Variants in SEZ6L observed in about 807,000 individuals in gnomAD.
SEZ6L encodes seizure related 6 homolog like.
In SEZ6L, 37 loss-of-function variants were observed where a neutral mutation model predicts 106.2. The ratio of observed to expected loss-of-function variants is 0.35; its 90% confidence interval spans 0.27 to 0.46. The LOEUF (loss-of-function observed/expected upper bound fraction) is 0.46, where lower values mean the gene tolerates loss of function less well. Among genes scored for constraint, SEZ6L ranks in the 20% least tolerant of loss-of-function variants. SEZ6L has a pLI of 1.00. For missense variants in SEZ6L, 1,172 were observed against 1,332.8 expected, an observed-to-expected ratio of 0.88 and a Z score of 1.88; for synonymous variants, 541 against 570.4, an observed-to-expected ratio of 0.95 and a Z score of 0.73.
Position 26,246,321 on chromosome 22 carries a change from A to ACTAACC in SEZ6L, c.95-46071_95-46066dup, listed in dbSNP as rs1158253734. Among the ~76,000 whole-genome samples the ACTAACC allele has an allele frequency of 2.6e-5, 4 of 152,190 alleles. No homozygotes were observed. In the East Asian group the frequency reaches 5.8e-4, roughly 22 times the overall value. The stretch of plus-strand genomic sequence containing the variant: ...ACACAGATTTAGTCCACATCGTATT[A>ACTAACC]CTAACCCTAACCCTAACCCAACCTG... On this transcript the variant is annotated intron_variant, in intron 1 of 16. Transcript: ENST00000248933.
At chr22:26,334,379 C>T (rs988067054) in intron 9 of SEZ6L, among the ~76,000 whole-genome samples, 11 of 152,206 alleles carry the variant, frequency 7.2e-5, no homozygotes, top group African/African-American at 2.2e-4. Flanking sequence ...AGTGATTCAA[C>T]AGGTGGCTTT....
At chr22:26,271,717 C>T (rs2080376243) in intron 1 of SEZ6L, among the ~76,000 whole-genome samples, 1 of 152,208 alleles carries the variant, frequency 6.6e-6, no homozygotes, top group Non-Finnish European at 1.5e-5. Flanking sequence ...CCTGATGCCT[C>T]CCCAGAAGCC....
Position 26,381,446 on chromosome 22 carries a change from G to A in SEZ6L, c.*1151G>A, listed in dbSNP as rs1461046393. On this transcript the variant is annotated 3_prime_UTR_variant, in exon 17 of 17. Coordinates refer to ENST00000248933, the MANE Select transcript of SEZ6L (RefSeq NM_021115.5). ...TATTCTCCAAAGCTGTCTGGATGTT[G>A]GAGGGTGGTGTGAATGCTGACTGAG... 1 of 152,322 alleles carries A rather than the reference G, an allele frequency of 6.6e-6. No homozygotes were observed. The highest frequency in any genetic ancestry group is 2.4e-5 in the African/African-American group (1 of 41,464). 9.4% of individuals were successfully genotyped at this position (152,322 alleles called of 1,614,324 possible).
At chr22:26,175,981 C>T (rs1894315596) in intron 1 of SEZ6L, among the ~76,000 whole-genome samples, 1 of 152,252 alleles carries the variant, frequency 6.6e-6, no homozygotes, top group Non-Finnish European at 1.5e-5. Flanking sequence ...AGACCTCAAA[C>T]ACCCCCATGT....
intron 3 of SEZ6L, among the ~76,000 whole-genome samples, chr22:26,296,075 G>A (rs1289943034): frequency 1.3e-5 from 2 of 152,206 alleles, no homozygotes; most frequent in Non-Finnish European, 2.9e-5. Flanking sequence ...ACTCATAAAA[G>A]CGTAAGTCTT....
intron 1 of SEZ6L, among the ~76,000 whole-genome samples, chr22:26,223,731 A>G (rs1442570694): frequency 6.6e-6 from 1 of 152,248 alleles, no homozygotes; most frequent in Admixed American, 6.5e-5. Flanking sequence ...AACACTTTGT[A>G]TGGTGCCTGG....
intron 13 of SEZ6L, among the ~76,000 whole-genome samples, chr22:26,370,500 G>A (rs983709185): frequency 1.6e-4 from 25 of 152,152 alleles, no homozygotes; most frequent in African/African-American, 2.4e-5. Flanking sequence ...TGGATTAATT[G>A]CAAAGGTATC....
intron 1 of SEZ6L, among the ~76,000 whole-genome samples, chr22:26,251,137 T>C (rs550727844): frequency 1.4e-4 from 22 of 152,344 alleles, no homozygotes; most frequent in Non-Finnish European, 3.1e-4. Flanking sequence ...ATGTTCTTTC[T>C]TTCTTTGCCT....
chr22:26,336,286 G>A (rs940527145), intron 9 of SEZ6L, among the ~76,000 whole-genome samples: 1 of 152,060 alleles, frequency 6.6e-6, no homozygotes, highest in Non-Finnish European at 1.5e-5. Flanking sequence ...AAATACCCCA[G>A]CTCCTTCTCC....
At chr22:26,338,497 A>G (rs1184258642) in intron 9 of SEZ6L, among the ~76,000 whole-genome samples, 1 of 152,150 alleles carries the variant, frequency 6.6e-6, no homozygotes, top group Non-Finnish European at 1.5e-5. Context: ...TTCTGGGCTC[A>G]AGCAATCCTC....
At chr22:26,337,824 C>A (rs2082692474) in intron 9 of SEZ6L, among the ~76,000 whole-genome samples, 1 of 152,118 alleles carries the variant, frequency 6.6e-6, no homozygotes, top group Non-Finnish European at 1.5e-5. Flanking sequence ...TGGCGGCAAT[C>A]AAAATCTTCC....
At chr22:26,270,967 C>T (rs1034795312) in intron 1 of SEZ6L, among the ~76,000 whole-genome samples, 4 of 152,172 alleles carry the variant, frequency 2.6e-5, no homozygotes, top group East Asian at 1.9e-4. Flanking sequence ...CATTCAAGGG[C>T]GTAATGAGAT....
At chr22:26,254,102 A>G (rs1211709391) in intron 1 of SEZ6L, 5 of 152,232 alleles carry the variant, frequency 3.3e-5, no homozygotes, top group African/African-American at 4.8e-5. Flanking sequence ...TGTTTAAACC[A>G]ATAACACTTG....
Position 26,260,972 on chromosome 22 carries a change from C to T in SEZ6L, c.95-31434C>T, listed in dbSNP as rs554964477. On this transcript the variant is annotated intron_variant, in intron 1 of 16. Transcript: ENST00000248933. ...GCATTGTGGATTTGATTTTCATTTC[C>T]CTGATCATTAGTGATGTTGAGCATT... Among the ~76,000 whole-genome samples, 67 of 152,166 alleles carry T rather than the reference C, an allele frequency of 4.4e-4. No homozygotes were observed. In the Middle Eastern group the frequency reaches 0.01, roughly 23 times the overall value.
intron 1 of SEZ6L, among the ~76,000 whole-genome samples, chr22:26,208,891 TGTGTGTGTGTGTGTA>T (rs1941452140): frequency 6.8e-6 from 1 of 148,082 alleles, no homozygotes; most frequent in African/African-American, 2.5e-5. Context: ...TGTGTGTGTG[TGTGTGTGTGTGTGTA>T]ATGTTTTGAT....
rs922658452 is a variant in SEZ6L at position 26,373,300 on chromosome 22, A to G, written c.2795-151A>G. The G allele has an allele frequency of 6.2e-6, 4 of 642,274 alleles. No individual in the cohort carries two copies. The Admixed American group carries it at 1.3e-4, about 20-fold the overall frequency. 39.8% of individuals were successfully genotyped at this position (642,274 alleles called of 1,614,324 possible). A position where few individuals can be genotyped will look rare whatever the true frequency, so the allele number is the denominator to read the frequency against. The stretch of plus-strand genomic sequence containing the variant: ...GGAAGTGAATAGTCCAGGCACGTTC[A>G]CTGATTATAGTGGCCCAAGATAAGT... On this transcript the variant is annotated intron_variant, in intron 13 of 16. Coordinates refer to ENST00000248933, the MANE Select transcript of SEZ6L (RefSeq NM_021115.5).
In SEZ6L at chr22:26,347,753, C is replaced by A. The variant is rs773452656; in HGVS notation, c.2247C>A (p.Pro749=). ...GGAATGACTCCTGCTCGGATTTACC[C>A]GAGATCCAGAATGGCTGGAAAACCA... ...VSRNDSCSDL[P]EIQNGWKTTS... is the part of the protein sequence containing the mutation. The change falls in exon 11 of 17, where the codon CCC becomes CCA. Residue 749 remains proline, a synonymous_variant. Transcript: ENST00000248933. 30 of 1,609,406 alleles carry A rather than the reference C, an allele frequency of 1.9e-5. No homozygotes were observed. In the East Asian group the frequency reaches 6.5e-4, roughly 35 times the overall value.
chr22:26,321,095 C>T (rs927387829), intron 9 of SEZ6L, among the ~76,000 whole-genome samples: 2 of 152,222 alleles, frequency 1.3e-5, no homozygotes, highest in Non-Finnish European at 2.9e-5. Context: ...GCACAGCTCC[C>T]TTCTTAATTG....
intron 1 of SEZ6L, among the ~76,000 whole-genome samples, chr22:26,181,690 G>A (rs1047283283): frequency 8.5e-5 from 13 of 152,126 alleles, no homozygotes; most frequent in Non-Finnish European, 1.5e-5. Context: ...CTTACATCCT[G>A]GGATTGTGGT....
Sources: gnomAD v4.1 joint callset for allele counts (sites outside exome capture counted in the v4.1 genomes callset) on GRCh38, gnomAD v4.1.1 for gene constraint, MANE v1.5 for transcripts, NCBI Gene and HGNC (gene_info 2026-07-23, HGNC 2026-07-21) for gene names.